Variants in SWT1 observed in about 807,000 individuals in gnomAD.
SWT1 encodes transcriptional protein SWT1.
Under a neutral mutation model 107.3 loss-of-function variants are expected in SWT1, and 33 were observed. The ratio of observed to expected loss-of-function variants is 0.31; its 90% CI spans 0.23 to 0.41. The LOEUF is 0.41. Ranked by LOEUF, SWT1 falls within the 10% of genes least tolerant of loss-of-function variation. SWT1 has a pLI of 1.00. For missense variants in SWT1, 898 were observed against 1,028.9 expected, an observed-to-expected ratio of 0.87 and a Z score of 1.74; for synonymous variants, 345 against 348.3, an observed-to-expected ratio of 0.99 and a Z score of 0.11.
intron 16 of SWT1, chr1:185,266,447 TAA>T (rs901130643): frequency 2.6e-5 from 4 of 152,232 alleles, no homozygotes; most frequent in Non-Finnish European, 5.9e-5. Flanking sequence ...AAATAGGAGA[TAA>T]GTTTTATTTG....
chr1:185,236,165 A>G (rs548499483), intron 16 of SWT1, among the ~76,000 whole-genome samples: 2 of 152,304 alleles, frequency 1.3e-5, no homozygotes, highest in Non-Finnish European at 2.9e-5. Flanking sequence ...TCAAGCTACC[A>G]TTGACTTTCT....
intron 16 of SWT1, among the ~76,000 whole-genome samples, chr1:185,243,918 T>G (rs1661424229): frequency 6.6e-6 from 1 of 152,160 alleles, no homozygotes; most frequent in African/African-American, 2.4e-5. Context: ...TTTACGCAGA[T>G]TTTATTTAAA....
chr1:185,290,710 GATGGA>G lies in SWT1; in HGVS notation c.2613_2617del (p.Met871IlefsTer21). Reference sequence around the variant, plus strand: ...CCATTGGATGCCGCCAGCTGGTTGAGATGGAATATACCATGCAGCAGTGCAATGCA... The same window carrying G: ...CCATTGGATGCCGCCAGCTGGTTGAGATATACCATGCAGCAGTGCAATGCA... On this transcript the variant is annotated frameshift_variant, in exon 19 of 19. Coordinates refer to ENST00000367500, the MANE Select transcript of SWT1 (RefSeq NM_017673.7). LOFTEE classifies it high-confidence loss of function. 1 of 1,589,716 alleles carries G rather than the reference GATGGA, an allele frequency of 6.3e-7. No individual in the cohort carries two copies. Among genetic ancestry groups the G allele is most frequent in the Non-Finnish European group, 8.6e-7 (1 of 1,165,718 alleles).
intron 18 of SWT1, 84 bp downstream of exon 18, chr1:185,276,752 A>G: frequency 1.6e-6 from 1 of 635,888 alleles, no homozygotes; most frequent in Non-Finnish European, 2.6e-6. Flanking sequence ...GGTGGTGGTG[A>G]TGTGTTTTTT....
chr1:185,226,183 T>G (rs778126331), intron 15 of SWT1, among the ~76,000 whole-genome samples: 3 of 152,210 alleles, frequency 2.0e-5, no homozygotes, highest in Non-Finnish European at 2.9e-5. Context: ...ATAATGTACA[T>G]GCATTTGTGT....
chr1:185,164,804 T>A (rs1288005576), intron 2 of SWT1, among the ~76,000 whole-genome samples: 1 of 152,216 alleles, frequency 6.6e-6, no homozygotes, highest in African/African-American at 2.4e-5. Context: ...ACTTGCCCAA[T>A]ATCAGTAATA....
At chr1:185,158,649 G>A (rs1262581965) in intron 1 of SWT1, among the ~76,000 whole-genome samples, 1 of 151,992 alleles carries the variant, frequency 6.6e-6, no homozygotes, top group African/African-American at 2.4e-5. Flanking sequence ...TTTAGTGTCT[G>A]GATTCTGTGG....
At chr1:185,169,912 C>T (rs1425229544) in intron 4 of SWT1, among the ~76,000 whole-genome samples, 2 of 151,996 alleles carry the variant, frequency 1.3e-5, no homozygotes, top group African/African-American at 4.8e-5. Context: ...GGGACATTGC[C>T]AAAGAGCTAT....
At chr1:185,209,190 C>T (rs892869510) in intron 13 of SWT1, among the ~76,000 whole-genome samples, 9 of 151,776 alleles carry the variant, frequency 5.9e-5, no homozygotes, top group Non-Finnish European at 1.2e-4. Context: ...CATGAGCTCC[C>T]CTCCTTCGTG....
chr1:185,183,137 C>CAA (rs748414194), intron 7 of SWT1, among the ~76,000 whole-genome samples: 2 of 115,500 alleles, frequency 1.7e-5, no homozygotes, highest in Non-Finnish European at 1.8e-5. Context: ...AAATCCATCT[C>CAA]AAAAAAAAAA....
At chr1:185,177,343 ATGGTTT>A (rs1655655403) in intron 5 of SWT1, among the ~76,000 whole-genome samples, 1 of 152,226 alleles carries the variant, frequency 6.6e-6, no homozygotes, top group Admixed American at 6.5e-5. Context: ...AGGGCGTCGT[ATGGTTT>A]CTTTTGGTCT....
intron 3 of SWT1, 37 bp from the exon 4 acceptor site, chr1:185,168,303 G>C: frequency 8.2e-7 from 1 of 1,225,082 alleles, no homozygotes. Flanking sequence ...ATATGTACCA[G>C]TGCACAATTT....
At chr1:185,245,199 T>C (rs1184590239) in intron 16 of SWT1, among the ~76,000 whole-genome samples, 10 of 152,202 alleles carry the variant, frequency 6.6e-5, no homozygotes, top group Admixed American at 5.9e-4. Flanking sequence ...TTTCTTGATA[T>C]CCTTACTCTG....
rs1654089306 is a variant in SWT1, at chr1:185,160,899, A to G, written c.58A>G (p.Thr20Ala). 1 of 1,612,730 alleles carries G rather than the reference A, an allele frequency of 6.2e-7. No individual in the cohort carries two copies. Among genetic ancestry groups the G allele is most frequent in the South Asian group, 1.1e-5 (1 of 90,654 alleles). Residue 20 changes from threonine (T) to alanine (A), a missense_variant, in exon 2 of 19, where the codon ACC becomes GCC. By Grantham distance (58) the Thr-to-Ala change is moderately conservative (BLOSUM62 0). Around this residue, in one of 6 missense-constraint regions of SWT1, gnomAD observed 382 missense variants for 362.4 expected, o/e 1.05. Coordinates refer to ENST00000367500, the MANE Select transcript of SWT1 (RefSeq NM_017673.7). ...KETSQRKDTT[T>A]SSPNFGEKDK... Reference sequence around the variant, plus strand: ...GACATCTCAGAGGAAAGACACCACCACCTCATCACCCAATTTTGGTGAAAA... The same window carrying G: ...GACATCTCAGAGGAAAGACACCACCGCCTCATCACCCAATTTTGGTGAAAA...
intron 17 of SWT1, among the ~76,000 whole-genome samples, chr1:185,275,613 G>A (rs1172679707): frequency 6.6e-6 from 1 of 151,464 alleles, no homozygotes; most frequent in Non-Finnish European, 1.5e-5. Flanking sequence ...TCAAACTCCT[G>A]GGTTCAAATA....
In SWT1 at chr1:185,271,294, C is replaced by T. The variant is rs1468275394; in HGVS notation, c.2442-29C>T. ...TGGTTTTTTCTGAAATCATTTATTC[C>T]CCCCCTTTGTTTTTATTTTATTTTT... On this transcript the variant is annotated intron_variant, in intron 16 of 18. Transcript: ENST00000367500. The T allele has an allele frequency of 4.2e-6, 5 of 1,180,774 alleles. No individual in the cohort carries two copies. The African/African-American group carries it at 6.0e-5, about 14-fold the overall frequency. 73.1% of individuals were successfully genotyped at this position (1,180,774 alleles called of 1,614,324 possible).
chr1:185,208,798 G>A lies in SWT1; in HGVS notation c.1972+2035G>A, dbSNP rs562958347. Among the ~76,000 whole-genome samples the A allele has an allele frequency of 4.7e-5, 7 of 150,422 alleles. No homozygotes were observed. The East Asian group carries it at 1.4e-3, about 29-fold the overall frequency. On this transcript the variant is annotated intron_variant, in intron 13 of 18. Coordinates refer to ENST00000367500, the MANE Select transcript of SWT1 (RefSeq NM_017673.7). ...GCATTTACTCAGGAGTAAGGAAAAAGGATTCTAATCTAGGATGCATAGCTG... is the reference window on the plus strand; with the variant it reads ...GCATTTACTCAGGAGTAAGGAAAAAAGATTCTAATCTAGGATGCATAGCTG...
intron 18 of SWT1, among the ~76,000 whole-genome samples, chr1:185,284,659 A>G (rs1158583829): frequency 6.6e-6 from 1 of 152,176 alleles, no homozygotes; most frequent in African/African-American, 2.4e-5. Context: ...GTTGACAGAT[A>G]TATCATTGTT....
chr1:185,272,273 C>A (rs1039095573), intron 17 of SWT1, among the ~76,000 whole-genome samples: 1 of 152,132 alleles, frequency 6.6e-6, no homozygotes, highest in Non-Finnish European at 1.5e-5. Flanking sequence ...ATTACTGAAC[C>A]GAAGCGGGTA....
Sources: allele counts gnomAD v4.1 joint callset (sites outside exome capture counted in the v4.1 genomes callset), GRCh38; gene constraint gnomAD v4.1.1; regional missense constraint gnomAD v4.1.1; transcripts MANE v1.5; gene names NCBI Gene and HGNC (gene_info 2026-07-23, HGNC 2026-07-21).